SLC6A4: variants seen among roughly 807,000 people sequenced by gnomAD.
The protein encoded by SLC6A4 is sodium-dependent serotonin transporter.
A neutral mutation model predicts 73.4 loss-of-function variants in SLC6A4; 22 were observed. That is an observed-to-expected ratio of 0.30 (90% CI 0.21 to 0.43). SLC6A4 has a LOEUF of 0.43. Among genes scored for constraint, SLC6A4 ranks in the 20% least tolerant of loss-of-function variants. The pLI is 1.00. For synonymous variants in SLC6A4, 270 were observed against 315.5 expected, an observed-to-expected ratio of 0.86 and a Z score of 1.53; for missense variants, 593 against 808.5, an observed-to-expected ratio of 0.73 and a Z score of 3.23.
intron 1 of SLC6A4, among the ~76,000 whole-genome samples, chr17:30,226,631 C>T (rs1013996866): frequency 2.6e-5 from 4 of 152,162 alleles, no homozygotes; most frequent in Admixed American, 2.0e-4. Flanking sequence ...ACCCAGGAAG[C>T]GGAGGTTGCA....
intron 7 of SLC6A4, 124 bp from the exon 8 acceptor site, chr17:30,215,838 G>T (rs1339143990): frequency 4.7e-6 from 4 of 847,946 alleles, no homozygotes; most frequent in South Asian, 3.1e-5. Context: ...AGCTTTTAAG[G>T]CTCATTCCAG....
intron 9 of SLC6A4, among the ~76,000 whole-genome samples, chr17:30,212,186 A>G (rs1427135856): frequency 3.3e-5 from 5 of 152,170 alleles, no homozygotes; most frequent in Non-Finnish European, 7.3e-5. Flanking sequence ...AGGATAAATG[A>G]TATTTGCTTA....
chr17:30,203,418 C>A, intron 13 of SLC6A4, 79 bp from the exon 14 acceptor site: 1 of 1,184,538 alleles, frequency 8.4e-7, no homozygotes. Context: ...ACCACAAACA[C>A]CAAATGCTAA....
intron 1 of SLC6A4, among the ~76,000 whole-genome samples, chr17:30,227,064 T>G (rs1476839123): frequency 5.3e-5 from 8 of 152,212 alleles, no homozygotes. Context: ...GCGGCGTGTT[T>G]AGATAGCTCA....
chr17:30,222,589 G>A (rs529131824), intron 2 of SLC6A4, among the ~76,000 whole-genome samples: 17 of 152,188 alleles, frequency 1.1e-4, no homozygotes, highest in Non-Finnish European at 2.5e-4. Context: ...ATCAACTACA[G>A]CTATGATTTT....
intron 1 of SLC6A4, among the ~76,000 whole-genome samples, chr17:30,225,758 G>A (rs1046799451): frequency 7.9e-5 from 12 of 152,102 alleles, no homozygotes; most frequent in African/African-American, 2.7e-4. Context: ...CAGAAGCTTC[G>A]TCCCCCTAGG....
intron 1 of SLC6A4, among the ~76,000 whole-genome samples, chr17:30,229,742 T>A (rs1907028962): frequency 1.3e-5 from 2 of 150,914 alleles, no homozygotes; most frequent in African/African-American, 4.9e-5. Context: ...TGACATGGGC[T>A]GGGCGCAGTG....
intron 13 of SLC6A4, among the ~76,000 whole-genome samples, chr17:30,205,255 A>G (rs1193420586): frequency 6.6e-6 from 1 of 152,120 alleles, no homozygotes; most frequent in Non-Finnish European, 1.5e-5. Flanking sequence ...TAAATTTTAT[A>G]CCCACAGTGA....
At chr17:30,232,449 T>C (rs147083585) in intron 1 of SLC6A4, among the ~76,000 whole-genome samples, 5 of 152,334 alleles carry the variant, frequency 3.3e-5, no homozygotes, top group Non-Finnish European at 7.4e-5. Flanking sequence ...ACCTGGGACA[T>C]TGCCTCTCTG....
intron 5 of SLC6A4, among the ~76,000 whole-genome samples, chr17:30,217,601 G>A (rs1432957435): frequency 2.6e-5 from 4 of 152,214 alleles, no homozygotes; most frequent in South Asian, 2.1e-4. Flanking sequence ...GGGAACATGA[G>A]GGATGTGTAA....
chr17:30,220,972 T>A (rs916875669), intron 3 of SLC6A4, among the ~76,000 whole-genome samples: 6 of 113,280 alleles, frequency 5.3e-5, no homozygotes, highest in African/African-American at 2.3e-4. Context: ...GAGATTTGAC[T>A]TTTTTTTTTT....
chr17:30,205,972 C>A (rs1165964268), intron 13 of SLC6A4: 1 of 152,094 alleles, frequency 6.6e-6, no homozygotes, highest in Non-Finnish European at 1.5e-5. Flanking sequence ...TCACGTCCTG[C>A]TAATTTTTGT....
intron 1 of SLC6A4, among the ~76,000 whole-genome samples, chr17:30,228,879 T>C (rs1426321281): frequency 6.6e-6 from 1 of 152,226 alleles, no homozygotes; most frequent in East Asian, 1.9e-4. Flanking sequence ...GGGCTATGGC[T>C]ACACGTCCCT....
intron 3 of SLC6A4, among the ~76,000 whole-genome samples, chr17:30,221,316 A>G (rs1906742079): frequency 6.6e-6 from 1 of 152,052 alleles, no homozygotes; most frequent in Non-Finnish European, 1.5e-5. Flanking sequence ...CTAAGTCATC[A>G]TGTTCCTAGT....
intron 13 of SLC6A4, among the ~76,000 whole-genome samples, chr17:30,205,199 G>A (rs1244972210): frequency 6.6e-6 from 1 of 152,048 alleles, no homozygotes; most frequent in Non-Finnish European, 1.5e-5. Context: ...AAAATATTGT[G>A]TGAAAATAAT....
At position 30,209,178 on chromosome 17, in the gene SLC6A4, G is replaced by A. The variant is rs200080084; in HGVS notation, c.1514C>T (p.Ala505Val). Residue 505 changes from alanine to valine, a missense_variant, in exon 12 of 15, where the codon GCG becomes GTG. Ala to Val is a moderately conservative substitution (Grantham distance 64, BLOSUM62 0). Coordinates refer to ENST00000650711, the MANE Select transcript of SLC6A4 (RefSeq NM_001045.6). ...YATGPAVLTV[A>V]LIEAVAVSWF... ...AGACACAGCGACTGCTTCGATCAGC[G>A]CGACAGTGAGCACTGCGGGCCCCGT... 4.2e-5 allele frequency: 68 copies of A among 1,613,662 alleles called. No homozygotes were observed. Among genetic ancestry groups the A allele is most frequent in the Non-Finnish European group, 4.7e-5 (56 of 1,179,800 alleles).
chr17:30,203,057 G>T, intron 14 of SLC6A4, 115 bp downstream of exon 14: 3 of 816,334 alleles, frequency 3.7e-6, no homozygotes, highest in Non-Finnish European at 5.9e-6. Context: ...TACATATATA[G>T]GGTTGCATGC....
intron 1 of SLC6A4, among the ~76,000 whole-genome samples, chr17:30,231,342 C>A (rs1299632486): frequency 6.7e-6 from 1 of 149,976 alleles, no homozygotes; most frequent in South Asian, 2.1e-4. Flanking sequence ...CTATATATAT[C>A]TGTAGGTATA....
intron 11 of SLC6A4, among the ~76,000 whole-genome samples, chr17:30,209,446 C>A (rs745639950): frequency 6.6e-6 from 1 of 151,938 alleles, no homozygotes; most frequent in Non-Finnish European, 1.5e-5. Flanking sequence ...CTGAGGCGGG[C>A]GTATCACCTG....
Sources: allele counts gnomAD v4.1 joint callset (sites outside exome capture counted in the v4.1 genomes callset), GRCh38; gene constraint gnomAD v4.1.1; transcripts MANE v1.5; gene names NCBI Gene and HGNC (gene_info 2026-07-23, HGNC 2026-07-21).